Variants in CFAP92 observed in about 807,000 individuals in gnomAD.
CFAP92 encodes uncharacterized protein CFAP92.
Under a neutral mutation model 106.3 loss-of-function variants are expected in CFAP92, and 86 were observed. The ratio of observed to expected loss-of-function variants is 0.81; its 90% CI spans 0.68 to 0.97. CFAP92 has a LOEUF of 0.97. Among genes scored for constraint, CFAP92 ranks in the 50% least tolerant of loss-of-function variants. The pLI, the probability that CFAP92 is intolerant of heterozygous loss-of-function variation, is 0.00. For missense variants in CFAP92, 1,204 were observed against 1,283.8 expected, an observed-to-expected ratio of 0.94 and a Z score of 0.95; for synonymous variants, 477 against 506.4, an observed-to-expected ratio of 0.94 and a Z score of 0.78.
chr3:128,951,356 A>G (rs939881325), intron 9 of CFAP92, among the ~76,000 whole-genome samples: 1 of 152,204 alleles, frequency 6.6e-6, no homozygotes, highest in Non-Finnish European at 1.5e-5. Flanking sequence ...CCCGGTGCTG[A>G]AGGATGTGGG....
rs1936076933 is a variant in CFAP92, at chr3:128,909,919, G to A, written c.*380C>T. ...GTGTTATTGACTCCACTTTCTCAAGGAACACAGGAGACTAAGACAGGCAAA... is the reference window on the plus strand; with the variant it reads ...GTGTTATTGACTCCACTTTCTCAAGAAACACAGGAGACTAAGACAGGCAAA... On this transcript the variant is annotated 3_prime_UTR_variant, in exon 16 of 16. Transcript: ENST00000645291. 2.0e-6 allele frequency: 3 copies of A among 1,523,586 alleles called. No individual in the cohort carries two copies. Among genetic ancestry groups the A allele is most frequent in the Non-Finnish European group, 2.7e-6 (3 of 1,114,730 alleles). 94.4% of individuals were successfully genotyped at this position (1,523,586 alleles called of 1,614,324 possible). A position where few individuals can be genotyped will look rare whatever the true frequency, so the allele number is the denominator to read the frequency against.
At chr3:128,958,579 A>G (rs1160929705) in intron 9 of CFAP92, among the ~76,000 whole-genome samples, 5 of 152,174 alleles carry the variant, frequency 3.3e-5, no homozygotes, top group Non-Finnish European at 7.3e-5. Context: ...ATATGGACAT[A>G]CTCACACTAA....
At chr3:128,993,651 G>T in intron 1 of CFAP92, 1 of 354,664 alleles carries the variant, frequency 2.8e-6, no homozygotes, top group South Asian at 2.7e-5. Context: ...GCTCCCGGGA[G>T]CCACCAGGCG....
intron 7 of CFAP92, among the ~76,000 whole-genome samples, chr3:128,974,981 G>A (rs1421503354): frequency 7.2e-5 from 11 of 151,912 alleles, no homozygotes; most frequent in Non-Finnish European, 1.3e-4. Context: ...TTAGCCAGGC[G>A]TGGTGGCGGG....
chr3:128,975,590 A>G (rs1943101137), intron 7 of CFAP92, among the ~76,000 whole-genome samples, 189 bp downstream of exon 7: 1 of 152,102 alleles, frequency 6.6e-6, no homozygotes, highest in Admixed American at 6.6e-5. Context: ...ATGGATGGGG[A>G]TGGGTGGATG....
chr3:129,003,035 G>A (rs76711995), upstream of CFAP92, among the ~76,000 whole-genome samples: 471 of 152,304 alleles, frequency 3.1e-3, 6 homozygotes, highest in Middle Eastern at 0.037. Context: ...GTGCTGGGCC[G>A]CAGGGGTCAG....
the CFAP92 span, among the ~76,000 whole-genome samples, chr3:129,008,762 C>T: frequency 6.6e-6 from 1 of 152,142 alleles, no homozygotes; most frequent in Non-Finnish European, 1.5e-5. Context: ...TTCAGGCCTC[C>T]TAGAGCTGGG....
intron 13 of CFAP92, 42 bp downstream of exon 13, chr3:128,916,065 A>T: frequency 8.2e-7 from 1 of 1,225,764 alleles, no homozygotes; most frequent in Non-Finnish European, 1.0e-6. Flanking sequence ...TAAAGAACTC[A>T]TGGGATTTGC....
rs1417694193 is a variant in CFAP92, at chr3:128,935,222, G to A, written c.2356C>T (p.His786Tyr). ...TCCGTGGGCTGGAAGAGGTGCACGT[G>A]GTACAGGATGGCCTCCAGGTCCCCA... ...LYGDLEAILYHVHLFQPTELL... is the reference protein window; with the variant it reads ...LYGDLEAILYYVHLFQPTELL... Residue 786 changes from histidine to tyrosine, a missense_variant, in exon 11 of 16, where the codon CAC becomes TAC. His to Tyr is a moderately conservative substitution (Grantham distance 83). Coordinates refer to ENST00000645291, the MANE Select transcript of CFAP92 (RefSeq NM_001394090.1). 1 of 1,536,060 alleles carries A rather than the reference G, an allele frequency of 6.5e-7. No homozygotes were observed. The highest frequency in any genetic ancestry group is 1.2e-5 in the South Asian group (1 of 84,052).
upstream of CFAP92, among the ~76,000 whole-genome samples, chr3:128,995,402 G>A (rs1323028249): frequency 6.6e-6 from 1 of 152,158 alleles, no homozygotes; most frequent in Non-Finnish European, 1.5e-5. Flanking sequence ...GCACGAGAAC[G>A]GCAACCACCT....
intron 15 of CFAP92, chr3:128,910,822 C>G: frequency 6.2e-7 from 1 of 1,614,046 alleles, no homozygotes. Context: ...GTGTGAGTGG[C>G]ATGTCTTGGG....
At chr3:129,011,317 G>A in the CFAP92 span, among the ~76,000 whole-genome samples, 2 of 152,268 alleles carry the variant, frequency 1.3e-5, no homozygotes, top group South Asian at 2.1e-4. Flanking sequence ...TTGGGAGGCC[G>A]AAGTGGGTGG....
At chr3:128,997,588 T>C (rs1944528453), upstream of CFAP92, among the ~76,000 whole-genome samples, 1 of 152,262 alleles carries the variant, frequency 6.6e-6, no homozygotes, top group Non-Finnish European at 1.5e-5. Context: ...CTGGTTTCTT[T>C]CACCTACCGT....
At chr3:128,937,333 C>A (rs1472030075) in intron 10 of CFAP92, among the ~76,000 whole-genome samples, 6 of 127,740 alleles carry the variant, frequency 4.7e-5, no homozygotes, top group Admixed American at 1.5e-4. Context: ...AAAAAAAAAA[C>A]CACGCGTAGT....
At chr3:128,965,716 A>AT (rs758519655) in intron 8 of CFAP92, 21 bp from the exon 9 acceptor site, 1 of 398,772 alleles carries the variant, frequency 2.5e-6, no homozygotes, top group Non-Finnish European at 4.4e-6. Context: ...TACACCCAGC[A>AT]TTAGACCTTT....
At chr3:128,996,844 T>C (rs540133894), upstream of CFAP92, among the ~76,000 whole-genome samples, 6 of 152,200 alleles carry the variant, frequency 3.9e-5, no homozygotes, top group Non-Finnish European at 8.8e-5. Flanking sequence ...CTGGTTCCCC[T>C]CCATGGGTTC....
chr3:128,989,601 C>A (rs1944089593), intron 2 of CFAP92, among the ~76,000 whole-genome samples: 1 of 152,132 alleles, frequency 6.6e-6, no homozygotes, highest in South Asian at 2.1e-4. Context: ...TGACCCCACC[C>A]CTGGTTGCTT....
chr3:128,945,916 G>C lies in CFAP92; in HGVS notation c.1413C>G (p.Thr471=). ...YQFHKTPVHK[T]KGEPHGTHVY... ...CGTGGGTTCCATGGGGCTCCCCCTTGGTCTTGTGAACTGGAGTCTTATGGA... is the reference window on the plus strand; with the variant it reads ...CGTGGGTTCCATGGGGCTCCCCCTTCGTCTTGTGAACTGGAGTCTTATGGA... Residue 471 remains threonine, a synonymous_variant, in exon 10 of 16, where the codon ACC becomes ACG. Coordinates refer to ENST00000645291, the MANE Select transcript of CFAP92 (RefSeq NM_001394090.1). 6.9e-7 allele frequency: 1 copy of C among 1,455,620 alleles called. No individual in the cohort carries two copies. Among genetic ancestry groups the C allele is most frequent in the Non-Finnish European group, 9.0e-7 (1 of 1,112,120 alleles). 90.2% of individuals were successfully genotyped at this position (1,455,620 alleles called of 1,614,324 possible). A position where few individuals can be genotyped will look rare whatever the true frequency, so the allele number is the denominator to read the frequency against.
At chr3:128,963,651 C>T (rs1942128841) in intron 9 of CFAP92, among the ~76,000 whole-genome samples, 1 of 150,300 alleles carries the variant, frequency 6.7e-6, no homozygotes. Flanking sequence ...GTTCCTCACC[C>T]TGATCACGCT....
Sources: gnomAD v4.1 joint callset for allele counts (sites outside exome capture counted in the v4.1 genomes callset) on GRCh38, gnomAD v4.1.1 for gene constraint, MANE v1.5 for transcripts, NCBI Gene and HGNC (gene_info 2026-07-23, HGNC 2026-07-21) for gene names.